Variants in OFD1 observed in about 807,000 individuals in gnomAD.
OFD1 encodes the protein centriole and centriolar satellite protein OFD1.
In OFD1, 12 loss-of-function variants were observed where a neutral mutation model predicts 81.4. That is an observed-to-expected ratio of 0.15 (90% CI 0.09 to 0.24). OFD1 has a LOEUF of 0.24. Ranked by LOEUF, OFD1 falls within the 10% of genes least tolerant of loss-of-function variation. The pLI is 1.00. For missense variants in OFD1, 685 were observed against 733.9 expected (o/e 0.93, Z 0.77); for synonymous variants, 256 against 263.7 (o/e 0.97, Z 0.28).
chrX:13,740,920 C>T (rs970125484), intron 5 of OFD1, among the ~76,000 whole-genome samples: 2 of 109,820 alleles, frequency 1.8e-5, no homozygotes, highest in African/African-American at 6.6e-5. Context: ...GGGCGGATCA[C>T]GAGGTCGGGA....
the OFD1 span, chrX:13,716,750 TA>T: frequency 9.1e-7 from 1 of 1,097,097 alleles, no homozygotes; most frequent in Non-Finnish European, 1.3e-6. Flanking sequence ...TTTCATTCTG[TA>T]AATTCTATAG....
the OFD1 span, among the ~76,000 whole-genome samples, chrX:13,714,983 A>C: frequency 8.9e-6 from 1 of 112,430 alleles, no homozygotes; most frequent in Non-Finnish European, 1.9e-5. Flanking sequence ...ATCATAACGC[A>C]TGACAGAAAA....
chrX:13,768,002 A>G, intron 20 of OFD1, 52 bp from the exon 21 acceptor site: 2 of 1,123,210 alleles, frequency 1.8e-6, no homozygotes, highest in Admixed American at 4.5e-5. Context: ...AAAACACTTA[A>G]AAGTTTTACA....
intron 10 of OFD1, chrX:13,752,912 G>T (rs1047176315): frequency 2.4e-5 from 22 of 928,286 alleles, no homozygotes; most frequent in Non-Finnish European, 2.7e-5. Context: ...CTTGGCAGTT[G>T]GCTCTCAGGA....
At chrX:13,723,258 C>T in the OFD1 span, among the ~76,000 whole-genome samples, 1 of 111,470 alleles carries the variant, frequency 9.0e-6, no homozygotes, top group African/African-American at 3.3e-5. Flanking sequence ...ACCTCCGCCT[C>T]CCAGGTTCAG....
At chrX:13,747,845 C>T (rs1247142898) in intron 8 of OFD1, among the ~76,000 whole-genome samples, 1 of 111,336 alleles carries the variant, frequency 9.0e-6, no homozygotes, top group Non-Finnish European at 1.9e-5. Flanking sequence ...ATCTTGTCAC[C>T]CCAGAAAGTA....
At chrX:13,771,118 G>T (rs948985111), downstream of OFD1, 7 of 112,068 alleles carry the variant, frequency 6.2e-5, no homozygotes, top group Non-Finnish European at 1.3e-4. Flanking sequence ...TTCACTGTTA[G>T]GTTACAAAAA....
At chrX:13,755,088 TA>T in intron 11 of OFD1, 62 bp from the exon 12 acceptor site, 1 of 825,902 alleles carries the variant, frequency 1.2e-6, no homozygotes. Context: ...CCATAAATAT[TA>T]AATGGCTTTT....
the OFD1 span, among the ~76,000 whole-genome samples, chrX:13,722,745 A>C: frequency 8.9e-6 from 1 of 112,025 alleles, no homozygotes; most frequent in African/African-American, 3.2e-5. Context: ...GCTGTCCAAT[A>C]TGTGAGCTAG....
At chrX:13,767,062 A>C (rs2048154690) in intron 19 of OFD1, 65 bp from the exon 20 acceptor site, 3 of 1,108,198 alleles carry the variant, frequency 2.7e-6, no homozygotes, top group Admixed American at 2.2e-5. Context: ...GCTCCTGCAG[A>C]CTGGTCCTGC....
chrX:13,755,815 T>C (rs1249469550), intron 12 of OFD1, among the ~76,000 whole-genome samples: 1 of 111,750 alleles, frequency 8.9e-6, no homozygotes, highest in Non-Finnish European at 1.9e-5. Context: ...CAACATATTT[T>C]GTATATGAAA....
chrX:13,757,053 G>A (rs1424615572), intron 13 of OFD1, among the ~76,000 whole-genome samples: 1 of 111,384 alleles, frequency 9.0e-6, no homozygotes, highest in East Asian at 2.8e-4. Context: ...CATAGTGCCT[G>A]CGATTACCTC....
At chrX:13,728,740 G>A in the OFD1 span, among the ~76,000 whole-genome samples, 1 of 112,047 alleles carries the variant, frequency 8.9e-6, no homozygotes, top group Non-Finnish European at 1.9e-5. Context: ...AGTGTTGGAA[G>A]TTCTGGCCAG....
chrX:13,751,776 G>A (rs1012124502), intron 10 of OFD1, among the ~76,000 whole-genome samples: 16 of 112,217 alleles, frequency 1.4e-4, no homozygotes, highest in East Asian at 2.8e-4. Flanking sequence ...AGACGTTGCA[G>A]TGAACTGAAG....
chrX:13,762,454 A>G lies in OFD1; in HGVS notation c.2488+10A>G, dbSNP rs1044991780. On this transcript the variant is annotated intron_variant, in intron 18 of 22. Transcript: ENST00000340096. ...GAATCATCTTTTGAATGTAAGTTCA[A>G]ATATAAATACCAGTTTTTATATGTT... is the stretch of plus-strand genomic sequence containing the variant. 2 of 1,015,849 alleles carry G rather than the reference A, an allele frequency of 2.0e-6. No individual in the cohort carries two copies. The highest frequency in any genetic ancestry group is 2.8e-6 in the Non-Finnish European group (2 of 716,851). The allele number at this position is 1,015,849 out of a possible 1,213,427, so 83.7% of individuals were successfully genotyped here.
At chrX:13,746,606 TTTGTTTA>T in intron 7 of OFD1, 151 bp downstream of exon 7, 7 of 752,447 alleles carry the variant, frequency 9.3e-6, no homozygotes, top group African/African-American at 6.4e-5. Context: ...TCTGGTGACA[TTTGTTTA>T]TGCCTTTTGA....
chrX:13,735,129 G>T, intron 1 of OFD1, 46 bp downstream of exon 1: 1 of 1,208,639 alleles, frequency 8.3e-7, no homozygotes, highest in Non-Finnish European at 1.1e-6. Context: ...GTCTTGTTTT[G>T]TGTTCGTTAA....
intron 10 of OFD1, among the ~76,000 whole-genome samples, chrX:13,751,698 G>A (rs2047508520): frequency 9.0e-6 from 1 of 111,464 alleles, no homozygotes; most frequent in African/African-American, 3.3e-5. Context: ...GCTGGGTGTG[G>A]TGGTGGGCAC....
chrX:13,767,783 C>G (rs1282351425), intron 20 of OFD1: 2 of 301,459 alleles, frequency 6.6e-6, no homozygotes, highest in Non-Finnish European at 5.9e-6. Context: ...CCTGCTAAGT[C>G]TTGCTTGAAT....
Sources: gnomAD v4.1 joint callset for allele counts (sites outside exome capture counted in the v4.1 genomes callset) on GRCh38, gnomAD v4.1.1 for gene constraint, MANE v1.5 for transcripts, NCBI Gene and HGNC (gene_info 2026-07-23, HGNC 2026-07-21) for gene names.